The following SDK1 variants were observed in gnomAD, a reference collection of about 807,000 sequenced individuals.
SDK1 encodes the protein sidekick cell adhesion molecule 1.
SDK1 carries 157 observed loss-of-function variants against 245.5 expected under a neutral mutation model. That is an observed-to-expected ratio of 0.64 (90% CI 0.56 to 0.73). The LOEUF (loss-of-function observed/expected upper bound fraction) is 0.73. Ranked by LOEUF, SDK1 falls within the 30% of genes least tolerant of loss-of-function variation. The pLI is 0.00. For missense variants in SDK1, 3,583 were observed against 3,002.3 expected, an observed-to-expected ratio of 1.19 and a Z score of -4.52; for synonymous variants, 1,647 against 1,278.5, an observed-to-expected ratio of 1.29 and a Z score of -6.15.
intron 16 of SDK1, among the ~76,000 whole-genome samples, chr7:4,014,769 C>A (rs994789920): frequency 2.0e-5 from 3 of 152,120 alleles, no homozygotes; most frequent in African/African-American, 7.2e-5. Flanking sequence ...CTGAGATGGT[C>A]TCCTGGGCAA....
At chr7:3,884,703 G>C (rs958173875) in intron 5 of SDK1, among the ~76,000 whole-genome samples, 2 of 152,216 alleles carry the variant, frequency 1.3e-5, no homozygotes, top group African/African-American at 4.8e-5. Flanking sequence ...TCCAGCTCCA[G>C]CTCCCAGGAA....
intron 1 of SDK1, among the ~76,000 whole-genome samples, chr7:3,423,176 C>T (rs1779579648): frequency 6.6e-6 from 1 of 152,074 alleles, no homozygotes; most frequent in South Asian, 2.1e-4. Flanking sequence ...TCACCTTTTC[C>T]ATAAGATAAT....
chr7:4,025,484 G>A (rs1787270930), intron 17 of SDK1, among the ~76,000 whole-genome samples: 1 of 152,176 alleles, frequency 6.6e-6, no homozygotes, highest in Non-Finnish European at 1.5e-5. Context: ...AGGGGTTCCT[G>A]GGACTTACCC....
intron 1 of SDK1, among the ~76,000 whole-genome samples, chr7:3,562,765 C>T (rs1194583642): frequency 2.6e-5 from 4 of 152,016 alleles, no homozygotes; most frequent in Non-Finnish European, 5.9e-5. Context: ...ATTTTATTTC[C>T]AGCCCAATTG....
At chr7:3,772,462 T>A (rs576506560) in intron 4 of SDK1, among the ~76,000 whole-genome samples, 3 of 152,334 alleles carry the variant, frequency 2.0e-5, no homozygotes, top group African/African-American at 4.8e-5. Flanking sequence ...CAATAATTTT[T>A]AAAAATGCAT....
intron 4 of SDK1, among the ~76,000 whole-genome samples, chr7:3,691,822 T>G (rs1472570557): frequency 6.6e-6 from 1 of 152,140 alleles, no homozygotes; most frequent in African/African-American, 2.4e-5. Context: ...ACTTACTCAT[T>G]CAGACAGCGT....
chr7:4,180,780 G>C (rs994904228), intron 35 of SDK1, among the ~76,000 whole-genome samples: 4 of 152,184 alleles, frequency 2.6e-5, no homozygotes, highest in African/African-American at 9.7e-5. Flanking sequence ...GAGCAAGAGA[G>C]CGCAAGAGGG....
At chr7:3,918,845 C>T (rs978300747) in intron 5 of SDK1, among the ~76,000 whole-genome samples, 1 of 152,014 alleles carries the variant, frequency 6.6e-6, no homozygotes, top group Non-Finnish European at 1.5e-5. Flanking sequence ...CTGACGGTTT[C>T]CCACATACAT....
intron 1 of SDK1, among the ~76,000 whole-genome samples, chr7:3,515,227 T>C (rs1782706566): frequency 6.6e-6 from 1 of 152,158 alleles, no homozygotes; most frequent in South Asian, 2.1e-4. Context: ...CTGAGCCCAT[T>C]GTGACCCTGC....
intron 38 of SDK1, among the ~76,000 whole-genome samples, chr7:4,216,355 C>T (rs1330484034): frequency 1.3e-5 from 2 of 152,210 alleles, no homozygotes; most frequent in Admixed American, 6.5e-5. Flanking sequence ...CGCCCCACGG[C>T]CGCTGCTCCC....
chr7:3,389,082 G>C lies in SDK1; in HGVS notation c.298+87198G>C, dbSNP rs188080829. ...ACATTTTAAGTAAAAGCTGACAGAA[G>C]GACCACAAGGAATGAGTGGTGGGAG... On this transcript the variant is annotated intron_variant, in intron 1 of 44. Transcript: ENST00000404826. 2.6e-5 allele frequency among the ~76,000 whole-genome samples: 4 copies of C among 152,224 alleles called. No individual in the cohort carries two copies. The East Asian group carries it at 7.7e-4, about 29-fold the overall frequency.
At chr7:3,491,251 C>A (rs1050788975) in intron 1 of SDK1, among the ~76,000 whole-genome samples, 3 of 152,206 alleles carry the variant, frequency 2.0e-5, no homozygotes, top group African/African-American at 7.2e-5. Flanking sequence ...CCTTAAGCAC[C>A]TGTGCTGCGT....
chr7:4,143,457 T>C lies in SDK1; in HGVS notation c.4229-2265T>C, dbSNP rs1386938111. 4.6e-5 allele frequency among the ~76,000 whole-genome samples: 7 copies of C among 152,136 alleles called. No homozygotes were observed. In the South Asian group the frequency reaches 8.3e-4, roughly 18 times the overall value. On this transcript the variant is annotated intron_variant, in intron 28 of 44. Transcript: ENST00000404826. ...CCACCGTGAGCCCCCAGAGCCCTCC[T>C]GGCACCCCGTGAGGTGTCCTGCCAT...
At chr7:3,864,400 G>C (rs1379151325) in intron 5 of SDK1, among the ~76,000 whole-genome samples, 1 of 152,196 alleles carries the variant, frequency 6.6e-6, no homozygotes, top group Non-Finnish European at 1.5e-5. Flanking sequence ...GTTGTGGGCA[G>C]AGATTCAGTA....
At chr7:3,617,564 A>G (rs1025890917) in intron 1 of SDK1, among the ~76,000 whole-genome samples, 2 of 152,162 alleles carry the variant, frequency 1.3e-5, no homozygotes, top group African/African-American at 4.8e-5. Context: ...ATGGAAGTAT[A>G]TTTGACTCTT....
chr7:3,310,909 G>A (rs1298882610), intron 1 of SDK1, among the ~76,000 whole-genome samples: 3 of 152,176 alleles, frequency 2.0e-5, no homozygotes, highest in Non-Finnish European at 4.4e-5. Context: ...CCTGCTTCCT[G>A]TAGTTGTTGT....
chr7:3,852,500 C>A (rs1440508403), intron 5 of SDK1, among the ~76,000 whole-genome samples: 2 of 151,640 alleles, frequency 1.3e-5, no homozygotes, highest in Non-Finnish European at 2.9e-5. Context: ...GTAATCCCAG[C>A]ACTTTGGGAG....
intron 37 of SDK1, 29 bp from the exon 38 acceptor site, chr7:4,209,996 A>G (rs1186540829): frequency 1.3e-6 from 2 of 1,532,938 alleles, no homozygotes; most frequent in Non-Finnish European, 1.8e-6. Context: ...GAGCCCCTGT[A>G]AAAGTCACTT....
intron 1 of SDK1, among the ~76,000 whole-genome samples, chr7:3,465,167 G>A (rs1156749485): frequency 1.3e-5 from 2 of 152,108 alleles, no homozygotes; most frequent in Non-Finnish European, 2.9e-5. Flanking sequence ...TGACAAGTGG[G>A]ATTCTCAGGG....
Sources: allele counts gnomAD v4.1 joint callset (sites outside exome capture counted in the v4.1 genomes callset), GRCh38; gene constraint gnomAD v4.1.1; transcripts MANE v1.5; gene names NCBI Gene and HGNC (gene_info 2026-07-23, HGNC 2026-07-21).